Variants in FBN1 observed in about 807,000 individuals in gnomAD.
FBN1 encodes fibrillin 1.
In FBN1, 29 loss-of-function variants were observed where a neutral mutation model predicts 365.1. That is an observed-to-expected ratio of 0.08 (90% CI 0.06 to 0.11). The LOEUF (loss-of-function observed/expected upper bound fraction) is 0.11, where lower values mean the gene tolerates loss of function less well. Ranked by LOEUF, FBN1 falls within the 10% of genes least tolerant of loss-of-function variation. The pLI, the probability that FBN1 is intolerant of heterozygous loss-of-function variation, is 1.00. For missense variants in FBN1, 2,476 were observed against 3,703.2 expected (o/e 0.67, Z 8.60); for synonymous variants, 1,210 against 1,270.5 (o/e 0.95, Z 1.01).
chr15:48,485,345 G>A (rs769027324), intron 30 of FBN1, 29 bp downstream of exon 30: 46 of 1,614,000 alleles, frequency 2.9e-5, no homozygotes, highest in Non-Finnish European at 5.1e-6. Flanking sequence ...CCTACTGAGA[G>A]ATTCAACATG....
At chr15:48,419,580 G>A (rs764120201) in intron 63 of FBN1, among the ~76,000 whole-genome samples, 6 of 152,106 alleles carry the variant, frequency 3.9e-5, no homozygotes, top group African/African-American at 4.8e-5. Context: ...TCACGCAGTC[G>A]AAACTCCTAT....
intron 9 of FBN1, among the ~76,000 whole-genome samples, chr15:48,525,495 T>G (rs2043903055): frequency 6.6e-6 from 1 of 152,136 alleles, no homozygotes; most frequent in African/African-American, 2.4e-5. Flanking sequence ...AGAATGTGTG[T>G]GGGAGTGTGG....
At chr15:48,629,023 G>C (rs1428881846) in intron 2 of FBN1, among the ~76,000 whole-genome samples, 1 of 152,182 alleles carries the variant, frequency 6.6e-6, no homozygotes, top group Admixed American at 6.5e-5. Context: ...GTCATCACTG[G>C]ACTGCAAGAA....
chr15:48,560,883 T>G (rs2044217885), intron 6 of FBN1, among the ~76,000 whole-genome samples: 1 of 152,136 alleles, frequency 6.6e-6, no homozygotes, highest in Non-Finnish European at 1.5e-5. Flanking sequence ...TGTGACCCTC[T>G]CTAAACCATA....
At chr15:48,430,823 C>CAAAAATGTACAAAAAATGACAAAA in intron 55 of FBN1, 21 bp from the exon 56 acceptor site, 2 of 1,611,840 alleles carry the variant, frequency 1.2e-6, no homozygotes, top group Non-Finnish European at 1.7e-6. Flanking sequence ...TGTACAATCA[C>CAAAAATGTACAAAAAATGACAAAA]AAATTTGTCA....
At chr15:48,632,527 G>A (rs773467661) in intron 2 of FBN1, among the ~76,000 whole-genome samples, 4 of 152,160 alleles carry the variant, frequency 2.6e-5, no homozygotes, top group East Asian at 1.9e-4. Context: ...CAAATCACTC[G>A]TCTGAGGTTT....
Position 48,613,118 on chromosome 15 carries a change from T to C in FBN1, c.165-26A>G, listed in dbSNP as rs201661421. The C allele has an allele frequency of 5.5e-5, 86 of 1,551,502 alleles. No homozygotes were observed. In the African/African-American group the frequency reaches 1.0e-3, roughly 18 times the overall value. On this transcript the variant is annotated intron_variant, in intron 2 of 65. Coordinates refer to ENST00000316623, the MANE Select transcript of FBN1 (RefSeq NM_000138.5). ...CTAAAACAAAAACAGAAGAATTCCA[T>C]ACTTTAAAAAAAAGAAGAAGAGGAA... is the stretch of plus-strand genomic sequence containing the variant.
chr15:48,452,458 C>T, intron 45 of FBN1, 104 bp downstream of exon 45: 2 of 1,351,588 alleles, frequency 1.5e-6, no homozygotes, highest in African/African-American at 2.9e-5. Context: ...AATCTTAACT[C>T]ATATATTCTT....
chr15:48,560,937 C>T (rs1367081671), intron 6 of FBN1, among the ~76,000 whole-genome samples: 1 of 152,140 alleles, frequency 6.6e-6, no homozygotes, highest in African/African-American at 2.4e-5. Flanking sequence ...CAATAGGGAT[C>T]ATGCCATACT....
rs140503215 is a variant in FBN1 at position 48,505,100 on chromosome 15, C to T, written c.1885G>A (p.Val629Ile). 31 of 1,614,146 alleles carry T rather than the reference C, an allele frequency of 1.9e-5. No individual in the cohort carries two copies. The highest frequency in any genetic ancestry group is 5.5e-5 in the South Asian group (5 of 91,080). ...TPGICMNGRC[V>I]NTDGSYRCEC... Reference sequence around the variant, plus strand: ...CATCTGTAGGAGCCATCAGTGTTGACGCAACGCCCATTCATGCAGATCCCA... The same window carrying T: ...CATCTGTAGGAGCCATCAGTGTTGATGCAACGCCCATTCATGCAGATCCCA... The change falls in exon 16 of 66, where the codon GTC becomes ATC. Residue 629 changes from valine (V) to isoleucine (I), a missense_variant. Val to Ile is a conservative substitution (Grantham distance 29, BLOSUM62 3). This residue lies in a region of FBN1 where 1,780 missense variants were observed against 2,840.8 expected (regional missense o/e 0.63). Transcript: ENST00000316623.
intron 22 of FBN1, 137 bp from the exon 23 acceptor site, chr15:48,494,391 A>G (rs1177183889): frequency 2.8e-6 from 2 of 715,092 alleles, no homozygotes; most frequent in Non-Finnish European, 5.0e-6. Flanking sequence ...TAAGTATGAG[A>G]TAACAAAATG....
intron 45 of FBN1, among the ~76,000 whole-genome samples, chr15:48,450,739 C>A (rs964930513): frequency 6.6e-6 from 1 of 151,980 alleles, no homozygotes; most frequent in African/African-American, 2.4e-5. Context: ...GGTGCTATGG[C>A]CAGGTGTGAT....
intron 60 of FBN1, among the ~76,000 whole-genome samples, chr15:48,424,655 T>G (rs1270984571): frequency 6.6e-6 from 1 of 152,230 alleles, no homozygotes; most frequent in African/African-American, 2.4e-5. Flanking sequence ...GCTCTACCAC[T>G]TGGTCTATCT....
intron 7 of FBN1, among the ~76,000 whole-genome samples, chr15:48,536,199 A>G (rs12594613): frequency 0.12 from 17,529 of 152,256 alleles, 1,176 homozygotes; most frequent in Non-Finnish European, 0.14. Context: ...TTGTGATTCA[A>G]TGGGTTTTCA....
intron 62 of FBN1, among the ~76,000 whole-genome samples, chr15:48,421,088 T>A (rs1057001790): frequency 9.2e-5 from 14 of 152,054 alleles, no homozygotes; most frequent in Admixed American, 2.0e-4. Context: ...TGCTCTTTTT[T>A]TTTTTTATTT....
At chr15:48,610,941 C>G in intron 3 of FBN1, 115 bp from the exon 4 acceptor site, 2 of 784,032 alleles carry the variant, frequency 2.6e-6, no homozygotes, top group Non-Finnish European at 4.5e-6. Context: ...ACTTTGCTAT[C>G]ATGACTTATA....
At chr15:48,556,684 G>A (rs977239271) in intron 6 of FBN1, among the ~76,000 whole-genome samples, 6 of 152,202 alleles carry the variant, frequency 3.9e-5, no homozygotes, top group African/African-American at 1.4e-4. Flanking sequence ...AATTCAGGCT[G>A]TGGACACAGA....
chr15:48,497,423 G>C, intron 18 of FBN1, 32 bp from the exon 19 acceptor site: 1 of 1,589,892 alleles, frequency 6.3e-7, no homozygotes, highest in Non-Finnish European at 8.6e-7. Flanking sequence ...AATCAATTAA[G>C]ATTATAAAAT....
In FBN1 at chr15:48,526,485, CA is replaced by C. The variant is rs774474812; in HGVS notation, c.863-231del. Among the ~76,000 whole-genome samples the C allele has an allele frequency of 7.9e-5, 12 of 152,328 alleles. No homozygotes were observed. The East Asian group carries it at 1.7e-3, about 22-fold the overall frequency. On this transcript the variant is annotated intron_variant, in intron 8 of 65. Transcript: ENST00000316623. ...TCAACAGATTAGGGCAAAATGAAAT[CA>C]CCCCCCTTTAAAATCTAAACCTGTG...
Sources: gnomAD v4.1 joint callset for allele counts (sites outside exome capture counted in the v4.1 genomes callset) on GRCh38, gnomAD v4.1.1 for gene constraint, gnomAD v4.1.1 regional missense constraint, MANE v1.5 for transcripts, NCBI Gene and HGNC (gene_info 2026-07-23, HGNC 2026-07-21) for gene names.